TRIM36: variants seen among roughly 807,000 people sequenced by gnomAD.
TRIM36 encodes tripartite motif containing 36.
TRIM36 carries 42 observed loss-of-function variants against 72.4 expected under a neutral mutation model. The observed-to-expected ratio is 0.58, with a 90% CI of 0.45 to 0.75. The LOEUF is 0.75. Among genes scored for constraint, TRIM36 ranks in the 30% least tolerant of loss-of-function variants. The probability of loss-of-function intolerance (pLI) is 0.00; values close to 1 mark genes in which losing one functional copy is unlikely to be tolerated. For synonymous variants in TRIM36, 315 were observed against 282.8 expected, an observed-to-expected ratio of 1.11 and a Z score of -1.14; for missense variants, 913 against 857.1, an observed-to-expected ratio of 1.07 and a Z score of -0.81.
chr5:115,144,321 T>C (rs557130724), intron 4 of TRIM36, among the ~76,000 whole-genome samples: 127 of 152,304 alleles, frequency 8.3e-4, no homozygotes, highest in Non-Finnish European at 1.7e-3. Context: ...TTGGGCTCAT[T>C]TGGGTATCAT....
intron 2 of TRIM36, among the ~76,000 whole-genome samples, chr5:115,151,165 A>G (rs1331363080): frequency 6.6e-6 from 1 of 151,996 alleles, no homozygotes; most frequent in Non-Finnish European, 1.5e-5. Flanking sequence ...CACTGCCTGG[A>G]AACAAACTTG....
At chr5:115,171,819 T>C (rs954676753), upstream of TRIM36, among the ~76,000 whole-genome samples, 4 of 152,152 alleles carry the variant, frequency 2.6e-5, no homozygotes, top group African/African-American at 9.7e-5. Context: ...CAAAACTGTG[T>C]CTCCAAAAAA....
intron 2 of TRIM36, among the ~76,000 whole-genome samples, chr5:115,149,990 A>C (rs1580675840): frequency 1.3e-5 from 2 of 152,134 alleles, no homozygotes; most frequent in Admixed American, 6.5e-5. Flanking sequence ...CGATCTCCTG[A>C]CCTCGTGATC....
intron 1 of TRIM36, chr5:115,177,469 T>A: frequency 8.6e-7 from 1 of 1,164,030 alleles, no homozygotes; most frequent in Non-Finnish European, 1.1e-6. Flanking sequence ...ATTCTTTACA[T>A]TACAAACCCG....
intron 9 of TRIM36, among the ~76,000 whole-genome samples, chr5:115,129,864 C>T (rs555067113): frequency 2.0e-5 from 3 of 152,114 alleles, no homozygotes; most frequent in Non-Finnish European, 2.9e-5. Flanking sequence ...GCATCAACAA[C>T]GTTTACTAGG....
chr5:115,139,489 A>C (rs545454675), intron 5 of TRIM36, among the ~76,000 whole-genome samples: 5 of 152,264 alleles, frequency 3.3e-5, no homozygotes, highest in Non-Finnish European at 5.9e-5. Context: ...GCTTTCAGCC[A>C]ACACCTATAA....
chr5:115,159,663 T>C (rs1024971451), intron 2 of TRIM36: 44 of 454,410 alleles, frequency 9.7e-5, no homozygotes, highest in Admixed American at 6.4e-4. Flanking sequence ...CAGATCTCCG[T>C]TGTGATGCTG....
intron 1 of TRIM36, chr5:115,177,515 TAAAG>T: frequency 7.6e-7 from 1 of 1,323,212 alleles, no homozygotes; most frequent in Non-Finnish European, 9.7e-7. Flanking sequence ...CAGAGGAAAA[TAAAG>T]CAAGTCAGTC....
At chr5:115,177,690 G>A in intron 1 of TRIM36, 1 of 1,612,566 alleles carries the variant, frequency 6.2e-7, no homozygotes, top group South Asian at 1.1e-5. Flanking sequence ...AAATGGTTAG[G>A]AGCCTACTCC....
upstream of TRIM36, chr5:115,174,090 C>G (rs1219140657): frequency 6.6e-6 from 1 of 152,154 alleles, no homozygotes; most frequent in Non-Finnish European, 1.5e-5. Flanking sequence ...ACCCCTTACC[C>G]TATAAATCAT....
intron 9 of TRIM36, among the ~76,000 whole-genome samples, chr5:115,127,856 G>A (rs1410387253): frequency 1.3e-5 from 2 of 152,070 alleles, no homozygotes; most frequent in Non-Finnish European, 2.9e-5. Context: ...CCTTTAAGGA[G>A]GTTTTCCAGA....
chr5:115,163,489 C>A (rs1754594509), intron 2 of TRIM36, 29 bp downstream of exon 2: 1 of 1,591,464 alleles, frequency 6.3e-7, no homozygotes. Context: ...ACCCCCACTA[C>A]CATCCCAGCC....
At chr5:115,152,198 T>C (rs1223098583) in intron 2 of TRIM36, among the ~76,000 whole-genome samples, 6 of 152,114 alleles carry the variant, frequency 3.9e-5, no homozygotes, top group South Asian at 2.1e-4. Flanking sequence ...CAGGAAATAC[T>C]GGACACACTA....
chr5:115,147,059 C>T lies in TRIM36; in HGVS notation c.588+10G>A. On this transcript the variant is annotated intron_variant, in intron 3 of 9. Transcript: ENST00000513154. ...AAATAACATTCTAACTTAATAAAAACTTCACTTACCTTGGGTCTGAAGTTA... is the reference window on the plus strand; with the variant it reads ...AAATAACATTCTAACTTAATAAAAATTTCACTTACCTTGGGTCTGAAGTTA... 1 of 1,596,756 alleles carries T rather than the reference C, an allele frequency of 6.3e-7. No homozygotes were observed. The highest frequency in any genetic ancestry group is 1.1e-5 in the South Asian group (1 of 88,890).
chr5:115,169,948 C>A (rs897759037), upstream of TRIM36: 2 of 1,224,452 alleles, frequency 1.6e-6, no homozygotes, highest in Non-Finnish European at 2.0e-6. Context: ...GGCGGGGCAC[C>A]GCGGGGCGTG....
chr5:115,171,369 C>G (rs1384073712), upstream of TRIM36: 11 of 1,172,760 alleles, frequency 9.4e-6, no homozygotes, highest in Admixed American at 2.6e-5. Flanking sequence ...GATTAATGCC[C>G]GTTGCGTGGC....
At chr5:115,144,813 A>G (rs1753489693) in intron 3 of TRIM36, 69 bp from the exon 4 acceptor site, 1 of 1,499,764 alleles carries the variant, frequency 6.7e-7, no homozygotes, top group East Asian at 2.4e-5. Flanking sequence ...TTACCAAAAT[A>G]CAAAGATTTG....
At chr5:115,171,078 AC>A (rs1411780082), upstream of TRIM36, 3 of 1,614,048 alleles carry the variant, frequency 1.9e-6, no homozygotes, top group Non-Finnish European at 2.5e-6. Context: ...AGTAGGGACT[AC>A]AGAGCTGTAG....
rs1475690661 is a variant in TRIM36, at chr5:115,126,338, C to A, written c.*165G>T. 3 of 585,430 alleles carry A rather than the reference C, an allele frequency of 5.1e-6. No homozygotes were observed. Among genetic ancestry groups the A allele is most frequent in the African/African-American group, 3.7e-5 (2 of 53,884 alleles). 36.3% of individuals were successfully genotyped at this position (585,430 alleles called of 1,614,324 possible). On this transcript the variant is annotated 3_prime_UTR_variant, in exon 10 of 10. Transcript: ENST00000513154. ...TCATTTGTGAAAGGCAGAACAACGA[C>A]ATGAAGACACAAGGCTGTTTAGATT...
Sources: allele counts gnomAD v4.1 joint callset (sites outside exome capture counted in the v4.1 genomes callset), GRCh38; gene constraint gnomAD v4.1.1; transcripts MANE v1.5; gene names NCBI Gene and HGNC (gene_info 2026-07-23, HGNC 2026-07-21).